ABLIM1: variants seen among roughly 807,000 people sequenced by gnomAD.
ABLIM1 encodes actin-binding LIM protein 1.
Under a neutral mutation model 107.0 loss-of-function variants are expected in ABLIM1, and 40 were observed. That is an observed-to-expected ratio of 0.37 (90% CI 0.29 to 0.49). The LOEUF (loss-of-function observed/expected upper bound fraction) is 0.49. Ranked by LOEUF, ABLIM1 falls within the 20% of genes least tolerant of loss-of-function variation. ABLIM1 has a pLI of 0.97. For synonymous variants in ABLIM1, 357 were observed against 357.3 expected, an observed-to-expected ratio of 1.00 and a Z score of 0.01; for missense variants, 857 against 1,008.5, an observed-to-expected ratio of 0.85 and a Z score of 2.04.
At chr10:114,461,704 A>G (rs2063954678) in intron 12 of ABLIM1, among the ~76,000 whole-genome samples, 1 of 152,076 alleles carries the variant, frequency 6.6e-6, no homozygotes, top group Non-Finnish European at 1.5e-5. Context: ...CTGTAATCCC[A>G]GCTACTCAGG....
intron 4 of ABLIM1, among the ~76,000 whole-genome samples, chr10:114,548,984 T>A (rs558788022): frequency 6.6e-6 from 1 of 152,300 alleles, no homozygotes; most frequent in South Asian, 2.1e-4. Flanking sequence ...CAACTTTAAT[T>A]CTCTGACCAT....
At chr10:114,664,459 T>A (rs1314660792) in intron 1 of ABLIM1, among the ~76,000 whole-genome samples, 1 of 152,212 alleles carries the variant, frequency 6.6e-6, no homozygotes, top group Non-Finnish European at 1.5e-5. Context: ...GGGTTTGGCT[T>A]AGAGTTTGGG....
the ABLIM1 span, among the ~76,000 whole-genome samples, chr10:114,797,806 C>G: frequency 2.6e-3 from 396 of 152,254 alleles, 2 homozygotes; most frequent in African/African-American, 9.0e-3. Flanking sequence ...CCTTCTGGGG[C>G]TAAAGTGGGA....
At chr10:114,612,817 T>C (rs908248475) in intron 1 of ABLIM1, among the ~76,000 whole-genome samples, 1 of 152,140 alleles carries the variant, frequency 6.6e-6, no homozygotes, top group African/African-American at 2.4e-5. Context: ...TTTACAGAAA[T>C]ACAAGTTAAG....
chr10:114,552,426 C>T (rs1052071562), intron 4 of ABLIM1, among the ~76,000 whole-genome samples: 3 of 149,408 alleles, frequency 2.0e-5, no homozygotes, highest in Non-Finnish European at 2.9e-5. Context: ...GCAGTGGCAT[C>T]GAGGAAATAA....
chr10:114,630,100 G>A (rs1566138419), intron 1 of ABLIM1, among the ~76,000 whole-genome samples: 1 of 152,186 alleles, frequency 6.6e-6, no homozygotes, highest in Non-Finnish European at 1.5e-5. Context: ...GCTTTGGGAA[G>A]TCTCCAAGAC....
chr10:114,733,128 G>A (rs760086022), intron 1 of ABLIM1, among the ~76,000 whole-genome samples: 3 of 152,154 alleles, frequency 2.0e-5, no homozygotes, highest in Non-Finnish European at 4.4e-5. Flanking sequence ...TGCTTAGAAG[G>A]GTTTTCAGCA....
chr10:114,604,421 G>A (rs897304721), intron 1 of ABLIM1, among the ~76,000 whole-genome samples: 1 of 152,216 alleles, frequency 6.6e-6, no homozygotes, highest in Non-Finnish European at 1.5e-5. Context: ...TTGTAAAGGG[G>A]ACACACGTAG....
chr10:114,497,540 G>C (rs957191823), intron 6 of ABLIM1, among the ~76,000 whole-genome samples: 6 of 152,046 alleles, frequency 3.9e-5, no homozygotes, highest in African/African-American at 1.5e-4. Context: ...ATATTAGCCA[G>C]GCTTGGTGGC....
chr10:114,463,094 G>C, intron 12 of ABLIM1: 1 of 1,335,626 alleles, frequency 7.5e-7, no homozygotes, highest in Non-Finnish European at 9.9e-7. Context: ...TGGGGCGGGA[G>C]TCGCTGTGGG....
chr10:114,514,289 ACT>A (rs1456385243), intron 6 of ABLIM1, among the ~76,000 whole-genome samples: 1 of 136,582 alleles, frequency 7.3e-6, no homozygotes, highest in Non-Finnish European at 1.5e-5. Flanking sequence ...ACAGAGCGAG[ACT>A]CTGTCTCAAA....
intron 1 of ABLIM1, among the ~76,000 whole-genome samples, chr10:114,604,961 T>C (rs934165895): frequency 4.1e-4 from 62 of 152,236 alleles, no homozygotes; most frequent in Non-Finnish European, 5.7e-4. Context: ...GGGATCAGCA[T>C]CTGCATTTTG....
intron 12 of ABLIM1, chr10:114,462,963 G>A: frequency 7.8e-7 from 1 of 1,283,148 alleles, no homozygotes; most frequent in Admixed American, 2.3e-5. Context: ...CTAACTCTTG[G>A]AGATACACCT....
intron 1 of ABLIM1, among the ~76,000 whole-genome samples, chr10:114,630,135 G>C (rs958839118): frequency 3.9e-5 from 6 of 152,154 alleles, no homozygotes; most frequent in African/African-American, 1.4e-4. Flanking sequence ...GCTATGTGAG[G>C]ACTACTGATC....
At chr10:114,668,458 A>G (rs1196513391) in intron 1 of ABLIM1, among the ~76,000 whole-genome samples, 1 of 152,182 alleles carries the variant, frequency 6.6e-6, no homozygotes, top group East Asian at 1.9e-4. Context: ...AAGAAAAAGG[A>G]CATGGATACT....
intron 1 of ABLIM1, among the ~76,000 whole-genome samples, chr10:114,644,100 T>C (rs1028844390): frequency 1.3e-5 from 2 of 150,126 alleles, no homozygotes; most frequent in Non-Finnish European, 3.0e-5. Flanking sequence ...GCTAACATGG[T>C]GAAACCCCGT....
intron 1 of ABLIM1, among the ~76,000 whole-genome samples, chr10:114,726,230 C>A (rs569251445): frequency 2.1e-4 from 32 of 152,096 alleles, no homozygotes; most frequent in South Asian, 1.5e-3. Flanking sequence ...GTAATTTTCA[C>A]CAAAATGTTC....
At chr10:114,554,135 G>A (rs2137954884) in intron 4 of ABLIM1, among the ~76,000 whole-genome samples, 1 of 152,286 alleles carries the variant, frequency 6.6e-6, no homozygotes, top group East Asian at 1.9e-4. Flanking sequence ...AAAGTCTCCA[G>A]CCAGTGTTAG....
At position 114,451,606 on chromosome 10, in the gene ABLIM1, G is replaced by T. The variant is rs1223633123; in HGVS notation, c.1594+18C>A. The T allele has an allele frequency of 6.8e-6, 11 of 1,607,442 alleles. No individual in the cohort carries two copies. Among genetic ancestry groups the T allele is most frequent in the Non-Finnish European group, 9.4e-6 (11 of 1,173,934 alleles). ...GACTTTGCTATTTAAAAGCTACGCG[G>T]AGGAAAGCGGGTTTTACCATGCTGT... is the stretch of plus-strand genomic sequence containing the variant. On this transcript the variant is annotated intron_variant, in intron 14 of 22. Transcript: ENST00000533213.
Sources: gnomAD v4.1 joint callset for allele counts (sites outside exome capture counted in the v4.1 genomes callset) on GRCh38, gnomAD v4.1.1 for gene constraint, MANE v1.5 for transcripts, NCBI Gene and HGNC (gene_info 2026-07-23, HGNC 2026-07-21) for gene names.